MTR: variants seen among roughly 807,000 people sequenced by gnomAD.
MTR encodes the protein methionine synthase.
In MTR, 84 loss-of-function variants were observed where a neutral mutation model predicts 154.8. The observed-to-expected ratio is 0.54, with a 90% CI of 0.45 to 0.65. MTR has a LOEUF of 0.65. Among genes scored for constraint, MTR ranks in the 30% least tolerant of loss-of-function variants. The probability of loss-of-function intolerance (pLI) is 0.00; values close to 1 mark genes in which losing one functional copy is unlikely to be tolerated. For synonymous variants in MTR, 554 were observed against 553.9 expected (o/e 1.00, Z 0.00); for missense variants, 1,275 against 1,570.2 (o/e 0.81, Z 3.18).
intron 30 of MTR, chr1:236,894,989 G>T (rs1666542327): frequency 5.5e-6 from 2 of 366,632 alleles, no homozygotes; most frequent in South Asian, 5.4e-5. Context: ...GCCCTGGGGA[G>T]AGCCTCTCCC....
At chr1:236,851,324 T>C (rs1013441385) in intron 16 of MTR, among the ~76,000 whole-genome samples, 3 of 152,206 alleles carry the variant, frequency 2.0e-5, no homozygotes, top group Admixed American at 6.5e-5. Context: ...CACACTTTTA[T>C]GCGTTTTGTT....
chr1:236,880,883 G>T (rs984077663), intron 25 of MTR, 47 bp downstream of exon 25: 1 of 1,524,044 alleles, frequency 6.6e-7, no homozygotes. Flanking sequence ...TGGAAAGCTT[G>T]CATTACAAGT....
rs79359872 is a variant in MTR, at chr1:236,838,245, A to G, written c.1330-169A>G. Among the ~76,000 whole-genome samples the G allele has an allele frequency of 0.039, 5,963 of 152,340 alleles. 380 individuals are homozygous for G. Among genetic ancestry groups the G allele is most frequent in the African/African-American group, 0.13 (5,449 of 41,554 alleles). ...ATCTTGTAAGACTGAAATTACTCCA[A>G]GTATTTTGGGCTTAAAGAACAAGTA... On this transcript the variant is annotated intron_variant, in intron 14 of 32. Coordinates refer to ENST00000366577, the MANE Select transcript of MTR (RefSeq NM_000254.3).
intron 12 of MTR, among the ~76,000 whole-genome samples, chr1:236,829,770 T>G (rs929827145): frequency 6.6e-6 from 1 of 152,232 alleles, no homozygotes; most frequent in Non-Finnish European, 1.5e-5. Flanking sequence ...TTCTCAACAA[T>G]CCTTTGAGGT....
intron 16 of MTR, among the ~76,000 whole-genome samples, chr1:236,851,741 T>C (rs1663916236): frequency 6.6e-6 from 1 of 152,228 alleles, no homozygotes; most frequent in Non-Finnish European, 1.5e-5. Flanking sequence ...TTGAGCCTAA[T>C]AAAAATAGAA....
rs1375561474 is a variant in MTR, at chr1:236,897,790, A to G, written c.*146A>G. On this transcript the variant is annotated 3_prime_UTR_variant, in exon 33 of 33. Transcript: ENST00000366577. ...TGGTTTTCGAAGACTATTTAGTGGA[A>G]CCTTGTAGAGGAGCAGGGTCTTCCT... 1.4e-6 allele frequency: 1 copy of G among 729,068 alleles called. No individual in the cohort carries two copies. Among genetic ancestry groups the G allele is most frequent in the Non-Finnish European group, 2.3e-6 (1 of 429,730 alleles). 45.2% of individuals were successfully genotyped at this position (729,068 alleles called of 1,614,324 possible). A position where few individuals can be genotyped will look rare whatever the true frequency, so the allele number is the denominator to read the frequency against.
At chr1:236,831,754 A>C (rs1662624068) in intron 12 of MTR, among the ~76,000 whole-genome samples, 1 of 152,174 alleles carries the variant, frequency 6.6e-6, no homozygotes, top group Admixed American at 6.5e-5. Flanking sequence ...TTTGAGAGTT[A>C]TGGTTGTAAA....
At chr1:236,889,375 C>A in intron 28 of MTR, 39 bp downstream of exon 28, 2 of 1,611,764 alleles carry the variant, frequency 1.2e-6, no homozygotes, top group South Asian at 2.2e-5. Flanking sequence ...CTCTGATATT[C>A]AAGCTGTGGG....
At chr1:236,819,808 T>G in intron 8 of MTR, 1 of 761,692 alleles carries the variant, frequency 1.3e-6, no homozygotes, top group Non-Finnish European at 2.4e-6. Context: ...TGGGAGAAGC[T>G]ACAGCTGGCG....
At chr1:236,864,132 G>C (rs1248374835) in intron 22 of MTR, among the ~76,000 whole-genome samples, 1 of 152,154 alleles carries the variant, frequency 6.6e-6, no homozygotes, top group East Asian at 1.9e-4. Flanking sequence ...TTGCATGTGA[G>C]AGCTGATGAC....
At position 236,894,467 on chromosome 1, in the gene MTR, T is replaced by G. The variant is rs1221565565; in HGVS notation, c.3315T>G (p.Phe1105Leu). The part of the protein sequence containing the change: ...DYLGLFAVAC[F>L]GVEELSKAYE... ...TGGGCCTGTTTGCCGTTGCCTGCTT[T>G]GGGGTAGAAGAGCTGAGCAAGGCCT... Residue 1105 changes from phenylalanine (F) to leucine (L), a missense_variant, in exon 30 of 33, where the codon TTT (phenylalanine) becomes TTG (leucine). Phe to Leu is a conservative substitution (Grantham distance 22). Coordinates refer to ENST00000366577, the MANE Select transcript of MTR (RefSeq NM_000254.3). The G allele has an allele frequency of 6.2e-7, 1 of 1,614,100 alleles. No homozygotes were observed. Among genetic ancestry groups the G allele is most frequent in the Admixed American group, 1.7e-5 (1 of 60,016 alleles).
Position 236,808,780 on chromosome 1 carries a change from A to C in MTR, c.409+7A>C, listed in dbSNP as rs886046218. The stretch of plus-strand genomic sequence containing the variant: ...GAGGTAACTCTCCAGACAGGTAGGG[A>C]ATGTTCTTCTCTTTTTTTGCACACG... On this transcript the variant is annotated splice_region_variant and intron_variant, in intron 4 of 32. Transcript: ENST00000366577. 6.2e-7 allele frequency: 1 copy of C among 1,613,692 alleles called. No individual in the cohort carries two copies. The highest frequency in any genetic ancestry group is 1.1e-5 in the South Asian group (1 of 91,068).
intron 32 of MTR, among the ~76,000 whole-genome samples, 192 bp downstream of exon 32, chr1:236,897,310 G>GCGCGTGCGCGCACACACA: frequency 7.8e-6 from 1 of 128,614 alleles, no homozygotes; most frequent in Non-Finnish European, 1.7e-5. Flanking sequence ...CCACACACAC[G>GCGCGTGCGCGCACACACA]CACACACACA....
At chr1:236,836,898 C>T (rs1662940973) in intron 14 of MTR, among the ~76,000 whole-genome samples, 1 of 152,098 alleles carries the variant, frequency 6.6e-6, no homozygotes, top group South Asian at 2.1e-4. Flanking sequence ...GGACTATTGA[C>T]CCTACTTTCC....
chr1:236,830,093 T>A (rs1662524058), intron 12 of MTR, among the ~76,000 whole-genome samples: 1 of 152,204 alleles, frequency 6.6e-6, no homozygotes, highest in South Asian at 2.1e-4. Context: ...TAGTGTCCAC[T>A]TTTCTCACTC....
At position 236,880,765 on chromosome 1, in the gene MTR, G is replaced by A. The variant is rs1394559035; in HGVS notation, c.2605G>A (p.Ala869Thr). 7 of 1,614,024 alleles carry A rather than the reference G, an allele frequency of 4.3e-6. No homozygotes were observed. The highest frequency in any genetic ancestry group is 5.9e-6 in the Non-Finnish European group (7 of 1,179,910). Residue 869 changes from alanine (A) to threonine (T), a missense_variant, in exon 25 of 33, where the codon GCA becomes ACA. By Grantham distance (58) the Ala-to-Thr change is moderately conservative (BLOSUM62 0). Transcript: ENST00000366577. ...GGATTSKTHTAVKIAPRYSAP... is the reference protein window; with the variant it reads ...GGATTSKTHTTVKIAPRYSAP... ...GACCCTTCTTTTTAGAACCCACACA[G>A]CAGTTAAAATAGCTCCGAGATACAG...
intron 29 of MTR, among the ~76,000 whole-genome samples, 198 bp from the exon 30 acceptor site, chr1:236,894,159 C>T (rs969387915): frequency 1.3e-5 from 2 of 152,164 alleles, no homozygotes; most frequent in African/African-American, 4.8e-5. Flanking sequence ...GTTTATCTTA[C>T]AAATATTTAT....
intron 4 of MTR, 90 bp downstream of exon 4, chr1:236,808,863 G>A: frequency 8.3e-7 from 1 of 1,211,834 alleles, no homozygotes. Flanking sequence ...TTTTCCTTAT[G>A]TGGCCTTTGG....
chr1:236,866,214 A>G (rs1664813354), intron 22 of MTR, among the ~76,000 whole-genome samples: 3 of 152,150 alleles, frequency 2.0e-5, no homozygotes, highest in Admixed American at 1.3e-4. Flanking sequence ...TTCCAATAGC[A>G]TGTGCTCATT....
Sources: allele counts gnomAD v4.1 joint callset (sites outside exome capture counted in the v4.1 genomes callset), GRCh38; gene constraint gnomAD v4.1.1; transcripts MANE v1.5; gene names NCBI Gene and HGNC (gene_info 2026-07-23, HGNC 2026-07-21).